Variants in SSBP3 observed in about 807,000 individuals in gnomAD.
The protein encoded by SSBP3 is single-stranded DNA-binding protein 3.
In SSBP3, 5 loss-of-function variants were observed where a neutral mutation model predicts 69.6. The observed-to-expected ratio is 0.07, with a 90% confidence interval of 0.04 to 0.15. The LOEUF is 0.15. Among genes scored for constraint, SSBP3 ranks in the 10% least tolerant of loss-of-function variants. The pLI, the probability that SSBP3 is intolerant of heterozygous loss-of-function variation, is 1.00. For missense variants in SSBP3, 312 were observed against 534.0 expected (o/e 0.58, Z 4.10); for synonymous variants, 196 against 193.4 (o/e 1.01, Z -0.11).
chr1:54,388,293 G>A (rs1347823929), intron 4 of SSBP3, among the ~76,000 whole-genome samples: 1 of 152,188 alleles, frequency 6.6e-6, no homozygotes, highest in Admixed American at 6.5e-5. Context: ...TCAAATCCCA[G>A]CTCTACTATC....
intron 4 of SSBP3, among the ~76,000 whole-genome samples, chr1:54,366,225 T>C (rs982820497): frequency 6.6e-6 from 1 of 152,198 alleles, no homozygotes; most frequent in Admixed American, 6.5e-5. Context: ...ATTTTCATCA[T>C]TGTTGCCCAC....
At chr1:54,239,261 T>C (rs1644561060) in intron 13 of SSBP3, 62 bp from the exon 14 acceptor site, 1 of 1,322,842 alleles carries the variant, frequency 7.6e-7, no homozygotes, top group Admixed American at 2.1e-5. Context: ...TAAAACAAAC[T>C]CATGGCACTG....
At chr1:54,284,244 C>T (rs1405977575) in intron 4 of SSBP3, among the ~76,000 whole-genome samples, 2 of 150,700 alleles carry the variant, frequency 1.3e-5, no homozygotes, top group South Asian at 2.1e-4. Context: ...TATTAACCAA[C>T]GAAATAACAG....
chr1:54,406,283 CCGCACGGCCGCCCGCTCTCCGCTCGCT>C (rs1649765456), exon 1 of SSBP3: 1 of 293,212 alleles, frequency 3.4e-6, no homozygotes, highest in Admixed American at 5.3e-5. Flanking sequence ...CCGCCGCCGC[CCGCACGGCCGCCCGCTCTCCGCTCGCT>C]CGCGCGCCCG....
intron 7 of SSBP3, among the ~76,000 whole-genome samples, chr1:54,253,974 G>T (rs367603655): frequency 6.6e-6 from 1 of 152,230 alleles, no homozygotes; most frequent in Non-Finnish European, 1.5e-5. Context: ...CCTGGAGGTC[G>T]CGTCCCTCAC....
chr1:54,378,746 G>GCCGGCGGGCACAAAGGAAGGAA (rs1647388547), intron 4 of SSBP3, among the ~76,000 whole-genome samples: 1 of 152,210 alleles, frequency 6.6e-6, no homozygotes, highest in Non-Finnish European at 1.5e-5. Flanking sequence ...CTGGTGAGTG[G>GCCGGCGGGCACAAAGGAAGGAA]CCGGCGGGCA....
At position 54,273,349 on chromosome 1, in the gene SSBP3, C is replaced by T. The variant is rs1434600762; in HGVS notation, c.366+8089G>A. ...ACACAGGCATGCGTGCACACAGGCA[C>T]GCACACAAGTCAGGGCCACAACTTT... On this transcript the variant is annotated intron_variant, in intron 5 of 17. Transcript: ENST00000610401. Among the ~76,000 whole-genome samples, 5 of 152,272 alleles carry T rather than the reference C, an allele frequency of 3.3e-5. 1 individual carries two copies. Among genetic ancestry groups the T allele is most frequent in the South Asian group, 2.1e-4 (1 of 4,824 alleles).
chr1:54,370,583 C>T (rs1366377684), intron 4 of SSBP3, among the ~76,000 whole-genome samples: 1 of 152,196 alleles, frequency 6.6e-6, no homozygotes, highest in African/African-American at 2.4e-5. Context: ...TAGAAAGTCA[C>T]TAAAGCCACC....
intron 4 of SSBP3, among the ~76,000 whole-genome samples, chr1:54,327,212 A>AGG (rs1198133046): frequency 6.7e-5 from 8 of 119,982 alleles, no homozygotes; most frequent in African/African-American, 2.4e-4. Flanking sequence ...CAGGAAAGAG[A>AGG]GGGAAAAGGA....
upstream of SSBP3, chr1:54,406,550 C>G (rs965039323): frequency 6.6e-6 from 1 of 151,914 alleles, no homozygotes; most frequent in Non-Finnish European, 1.5e-5. Context: ...CGGCAGTCCC[C>G]GCTGCGGCCG....
chr1:54,228,731 G>T lies in SSBP3; in HGVS notation c.1006+17C>A. 6.3e-7 allele frequency: 1 copy of T among 1,581,680 alleles called. No individual in the cohort carries two copies. Among genetic ancestry groups the T allele is most frequent in the South Asian group, 1.2e-5 (1 of 86,698 alleles). On this transcript the variant is annotated intron_variant, in intron 15 of 17. Coordinates refer to ENST00000610401, the Ensembl canonical transcript of SSBP3. ...GCCCAGGCAGGGTGGGGCATGGCGAGGGCAGGGGCCACTCACCTAATGATC... is the reference window on the plus strand; with the variant it reads ...GCCCAGGCAGGGTGGGGCATGGCGATGGCAGGGGCCACTCACCTAATGATC...
chr1:54,317,713 T>C (rs1646138618), intron 4 of SSBP3, among the ~76,000 whole-genome samples: 7 of 152,182 alleles, frequency 4.6e-5, no homozygotes, highest in Admixed American at 4.6e-4. Flanking sequence ...GATGGGGTGC[T>C]GTACTCAAGG....
chr1:54,365,236 C>CT (rs573402308), intron 4 of SSBP3, among the ~76,000 whole-genome samples: 111 of 152,316 alleles, frequency 7.3e-4, no homozygotes, highest in African/African-American at 2.5e-3. Context: ...GTGAAGCAAT[C>CT]TAAGAGCGAG....
chr1:54,405,936 T>G lies in SSBP3; in HGVS notation c.56+17A>C. ...GCCCGGCGGCGGCGCGGCCGCCACT[T>G]GCAAAATAGGGCTTACTTTTCCCGA... On this transcript the variant is annotated intron_variant, in intron 1 of 17. Transcript: ENST00000610401. 1 of 1,239,222 alleles carries G rather than the reference T, an allele frequency of 8.1e-7. No individual in the cohort carries two copies. The highest frequency in any genetic ancestry group is 3.0e-5 in the Admixed American group (1 of 33,136). The allele number at this position is 1,239,222 out of a possible 1,614,324, so 76.8% of individuals were successfully genotyped here.
At chr1:54,353,857 C>G (rs1330987969) in intron 4 of SSBP3, among the ~76,000 whole-genome samples, 1 of 152,226 alleles carries the variant, frequency 6.6e-6, no homozygotes. Context: ...TGAGATCTCT[C>G]TTTCCATCCA....
chr1:54,301,772 C>T (rs1645806641), intron 4 of SSBP3, among the ~76,000 whole-genome samples: 1 of 152,178 alleles, frequency 6.6e-6, no homozygotes, highest in South Asian at 2.1e-4. Context: ...CACCACCACC[C>T]TAGGTTCCGG....
intron 4 of SSBP3, among the ~76,000 whole-genome samples, chr1:54,315,843 G>A (rs1018829322): frequency 1.3e-5 from 2 of 151,600 alleles, no homozygotes; most frequent in African/African-American, 4.8e-5. Flanking sequence ...TTTTTCTTTG[G>A]TAGAGACAGG....
rs184851417 is a variant in SSBP3 at position 54,382,802 on chromosome 1, T to C, written c.276+19059A>G. 6.2e-3 allele frequency among the ~76,000 whole-genome samples: 933 copies of C among 151,076 alleles called. 13 individuals are homozygous for C. The highest frequency in any genetic ancestry group is 4.8e-3 in the Non-Finnish European group (327 of 67,724). On this transcript the variant is annotated intron_variant, in intron 4 of 17. Transcript: ENST00000610401. ...GGAGTTCGAGACCAGCCTGACCAAC[T>C]TGGAGAAACCCCTTATCTACTAAAA...
intron 9 of SSBP3, 104 bp from the exon 10 acceptor site, chr1:54,243,403 A>C: frequency 2.2e-6 from 3 of 1,377,062 alleles, no homozygotes. Flanking sequence ...TTAGTCTGTG[A>C]AAAGGATTGA....
Sources: allele counts gnomAD v4.1 joint callset (sites outside exome capture counted in the v4.1 genomes callset), GRCh38; gene constraint gnomAD v4.1.1; transcripts MANE v1.5; gene names NCBI Gene and HGNC (gene_info 2026-07-23, HGNC 2026-07-21).